Variants in ECE1 observed in about 807,000 individuals in gnomAD.
The protein encoded by ECE1 is endothelin-converting enzyme 1.
A neutral mutation model predicts 98.6 loss-of-function variants in ECE1; 35 were observed. The observed-to-expected ratio is 0.35, with a 90% CI of 0.27 to 0.47. The LOEUF (loss-of-function observed/expected upper bound fraction) is 0.47. Among genes scored for constraint, ECE1 ranks in the 20% least tolerant of loss-of-function variants. The pLI is 1.00. For synonymous variants in ECE1, 394 were observed against 407.1 expected, an observed-to-expected ratio of 0.97 and a Z score of 0.39; for missense variants, 814 against 1,025.3, an observed-to-expected ratio of 0.79 and a Z score of 2.81.
intron 3 of ECE1, among the ~76,000 whole-genome samples, chr1:21,273,970 T>G (rs912018742): frequency 6.6e-6 from 1 of 152,206 alleles, no homozygotes; most frequent in Non-Finnish European, 1.5e-5. Context: ...GGCAGCAACA[T>G]GAAGCTGACT....
chr1:21,267,499 A>T (rs1180998522), intron 4 of ECE1, among the ~76,000 whole-genome samples: 4 of 152,144 alleles, frequency 2.6e-5, no homozygotes, highest in African/African-American at 9.7e-5. Context: ...TCACTATCAC[A>T]AGAACAGCAC....
chr1:21,256,155 C>A lies in ECE1; in HGVS notation c.829-17G>T. ...GGTCAGCACCTGCAGGGCCCATACC[C>A]CAAACTGTCAGTGGCTGCCCCCCCA... On this transcript the variant is annotated splice_polypyrimidine_tract_variant and intron_variant, in intron 7 of 18. Coordinates refer to ENST00000374893, the MANE Select transcript of ECE1 (RefSeq NM_001397.3). The A allele has an allele frequency of 6.3e-7, 1 of 1,591,720 alleles. No individual in the cohort carries two copies.
At chr1:21,292,892 C>CAG (rs1324463483), upstream of ECE1, among the ~76,000 whole-genome samples, 3 of 152,168 alleles carry the variant, frequency 2.0e-5, no homozygotes, top group Non-Finnish European at 2.9e-5. Context: ...TTACCCATCC[C>CAG]AGAGAGAGAG....
chr1:21,222,972 CGTTTTT>C (rs1413314759), intron 17 of ECE1, among the ~76,000 whole-genome samples: 2 of 150,882 alleles, frequency 1.3e-5, no homozygotes, highest in African/African-American at 4.9e-5. Flanking sequence ...TGTGCTGACT[CGTTTTT>C]GTTTTTGTTT....
chr1:21,259,278 T>A lies in ECE1; in HGVS notation c.616-439A>T, dbSNP rs28367978. Among the ~76,000 whole-genome samples, 843 of 152,122 alleles carry A rather than the reference T, an allele frequency of 5.5e-3. 7 individuals carry two copies. The highest frequency in any genetic ancestry group is 0.01 in the Middle Eastern group (3 of 294). On this transcript the variant is annotated intron_variant, in intron 5 of 18. Coordinates refer to ENST00000374893, the MANE Select transcript of ECE1 (RefSeq NM_001397.3). ...TCTCAAAGTTGGGATTTTAAAAAAA[T>A]TTTTTTTGAGATGGAGTCTTGCTCT... is the stretch of plus-strand genomic sequence containing the variant.
intron 8 of ECE1, among the ~76,000 whole-genome samples, chr1:21,249,071 C>T (rs2682369): frequency 0.25 from 37,682 of 151,814 alleles, 6,316 homozygotes; most frequent in East Asian, 0.47. Flanking sequence ...TACAAAGTTG[C>T]GCAACTTAAA....
In ECE1 at chr1:21,345,178, C is replaced by T; in HGVS notation, c.3+198G>A. On this transcript the variant is annotated intron_variant, in intron 1 of 18. Transcript: ENST00000415912. This position sits in a 1 kb window ranked among gnomAD's most constrained non-coding sequence, Gnocchi z 5.1. Reference sequence around the variant, plus strand: ...CGGCCGCCCCCGACGGGACCAAGCGCAGCGCCGCCGGGAGAGCCGCGCTCT... The same window carrying T: ...CGGCCGCCCCCGACGGGACCAAGCGTAGCGCCGCCGGGAGAGCCGCGCTCT... The T allele has an allele frequency of 1.5e-6, 1 of 672,394 alleles. No individual in the cohort carries two copies. 41.7% of individuals were successfully genotyped at this position (672,394 alleles called of 1,614,324 possible).
intron 1 of ECE1, among the ~76,000 whole-genome samples, chr1:21,305,067 T>A (rs1638567965): frequency 6.6e-6 from 1 of 152,186 alleles, no homozygotes. Flanking sequence ...AGAAGCGCCA[T>A]GAGCCACATG....
chr1:21,257,487 T>G, intron 7 of ECE1, 38 bp downstream of exon 7: 2 of 1,611,610 alleles, frequency 1.2e-6, no homozygotes, highest in Non-Finnish European at 1.7e-6. Flanking sequence ...GGAAGGACCG[T>G]GCTGGGAGGC....
intron 13 of ECE1, among the ~76,000 whole-genome samples, chr1:21,234,619 T>C (rs1038589628): frequency 1.3e-5 from 2 of 152,062 alleles, no homozygotes; most frequent in African/African-American, 4.8e-5. Context: ...GCTGGGACTA[T>C]AGGCACATGC....
In ECE1 at chr1:21,300,888, A is replaced by G. The variant is rs187659301; in HGVS notation, c.4-10732T>C. ...TACTGAGCCTGTTTCCTAGGAGTAC[A>G]ATGAAAATATAAGGTGCTTTGTATA... On this transcript the variant is annotated intron_variant, in intron 1 of 18. Coordinates refer to the ECE1 transcript ENST00000415912. 2.6e-5 allele frequency among the ~76,000 whole-genome samples: 4 copies of G among 152,318 alleles called. No individual in the cohort carries two copies. In the South Asian group the frequency reaches 6.2e-4, roughly 24 times the overall value.
In ECE1 at chr1:21,269,399, A is replaced by G. The variant is rs545643364; in HGVS notation, c.493+3300T>C. ...TCCTTCCTGACAACTGGGTCCACAT[A>G]CCAGCGCTTCTCTAATAAATAAGAA... On this transcript the variant is annotated intron_variant, in intron 4 of 18. Coordinates refer to ENST00000374893, the MANE Select transcript of ECE1 (RefSeq NM_001397.3). Among the ~76,000 whole-genome samples, 8 of 152,292 alleles carry G rather than the reference A, an allele frequency of 5.3e-5. 1 individual carries two copies. The East Asian group carries it at 1.5e-3, about 29-fold the overall frequency.
intron 1 of ECE1, among the ~76,000 whole-genome samples, chr1:21,324,223 A>G (rs1365849263): frequency 6.6e-6 from 1 of 151,570 alleles, no homozygotes; most frequent in Non-Finnish European, 1.5e-5. Flanking sequence ...TGCAGCCTTG[A>G]CCTCCTGGGC....
At chr1:21,305,170 G>GCCACACATAA (rs1638569705) in intron 1 of ECE1, among the ~76,000 whole-genome samples, 1 of 152,088 alleles carries the variant, frequency 6.6e-6, no homozygotes, top group Non-Finnish European at 1.5e-5. Context: ...GCCACACATA[G>GCCACACATAA]GCTCGACAGC....
Position 21,345,242 on chromosome 1 carries a change from G to A in ECE1, c.3+134C>T, listed in dbSNP as rs1569804453. On this transcript the variant is annotated intron_variant, in intron 1 of 18. Coordinates refer to the ECE1 transcript ENST00000415912. This position sits in a 1 kb window ranked among gnomAD's most constrained non-coding sequence, Gnocchi z 5.1. Reference sequence around the variant, plus strand: ...CCGACTCCACGCCTTCCGAGAGCCGGGCGGGGGCTGCTGCTGCAGCCGGCG... The same window carrying A: ...CCGACTCCACGCCTTCCGAGAGCCGAGCGGGGGCTGCTGCTGCAGCCGGCG... The A allele has an allele frequency of 1.8e-6, 2 of 1,141,198 alleles. No individual in the cohort carries two copies. Among genetic ancestry groups the A allele is most frequent in the East Asian group, 8.2e-5 (2 of 24,380 alleles). 70.7% of individuals were successfully genotyped at this position (1,141,198 alleles called of 1,614,324 possible).
At position 21,220,623 on chromosome 1, in the gene ECE1, C is replaced by G. The variant is rs2098166126; in HGVS notation, c.2137-492G>C. On this transcript the variant is annotated intron_variant, in intron 18 of 18. Coordinates refer to ENST00000374893, the MANE Select transcript of ECE1 (RefSeq NM_001397.3). The surrounding 1 kb of genome is among the most constrained non-coding windows in gnomAD (Gnocchi z 5.0). ...ACCGGCCTGACAAACATGGTGAAAC[C>G]CTGTCTCTACTAAAAATACAAAAAT... Among the ~76,000 whole-genome samples, 1 of 152,036 alleles carries G rather than the reference C, an allele frequency of 6.6e-6. No homozygotes were observed. The highest frequency in any genetic ancestry group is 2.4e-5 in the African/African-American group (1 of 41,396).
At chr1:21,335,849 C>A (rs1045053554) in intron 1 of ECE1, among the ~76,000 whole-genome samples, 4 of 152,196 alleles carry the variant, frequency 2.6e-5, no homozygotes, top group Non-Finnish European at 5.9e-5. Flanking sequence ...CAGTGCTTGA[C>A]GGAAGGGGAA....
chr1:21,262,304 C>A (rs2098228072), intron 4 of ECE1, among the ~76,000 whole-genome samples: 1 of 152,184 alleles, frequency 6.6e-6, no homozygotes, highest in African/African-American at 2.4e-5. Flanking sequence ...CCCCAGGCAC[C>A]ACGGCAGCTC....
intron 3 of ECE1, among the ~76,000 whole-genome samples, chr1:21,274,958 C>T (rs1019245140): frequency 2.6e-5 from 4 of 152,180 alleles, no homozygotes; most frequent in Non-Finnish European, 5.9e-5. Flanking sequence ...CTCCCAAACT[C>T]GGGGAAGGCA....
Sources: gnomAD v4.1 joint callset for allele counts (sites outside exome capture counted in the v4.1 genomes callset) on GRCh38, gnomAD v4.1.1 for gene constraint, Gnocchi (gnomAD v3.1) non-coding constraint, MANE v1.5 for transcripts, NCBI Gene and HGNC (gene_info 2026-07-23, HGNC 2026-07-21) for gene names.